Variants in NEO1 observed in about 807,000 individuals in gnomAD.
NEO1 encodes neogenin.
In NEO1, 63 loss-of-function variants were observed where a neutral mutation model predicts 159.7. That is an observed-to-expected ratio of 0.39 (90% CI 0.32 to 0.49). NEO1 has a LOEUF of 0.49. Among genes scored for constraint, NEO1 ranks in the 20% least tolerant of loss-of-function variants. The probability of loss-of-function intolerance (pLI) is 0.85; values close to 1 mark genes in which losing one functional copy is unlikely to be tolerated. For missense variants in NEO1, 1,615 were observed against 1,831.0 expected, an observed-to-expected ratio of 0.88 and a Z score of 2.15; for synonymous variants, 633 against 662.0, an observed-to-expected ratio of 0.96 and a Z score of 0.67.
rs145036330 is a variant in NEO1 at position 73,241,987 on chromosome 15, T to C, written c.1452-2357T>C. Among the ~76,000 whole-genome samples, 61 of 152,344 alleles carry C rather than the reference T, an allele frequency of 4.0e-4. No homozygotes were observed. In the East Asian group the frequency reaches 0.012, roughly 29 times the overall value. On this transcript the variant is annotated intron_variant, in intron 8 of 28. Transcript: ENST00000261908. ...ACATATCAGAAGGCAGATTTTCGTT[T>C]ATTCATTCAATGTATGTTTGGGATG...
intron 7 of NEO1, among the ~76,000 whole-genome samples, chr15:73,223,852 T>C (rs1416155910): frequency 6.6e-6 from 1 of 152,204 alleles, no homozygotes; most frequent in African/African-American, 2.4e-5. Context: ...GGTTTTTTGT[T>C]TTTTGTTTTT....
chr15:73,200,451 A>AG (rs1306347299), intron 7 of NEO1, among the ~76,000 whole-genome samples: 4 of 142,468 alleles, frequency 2.8e-5, no homozygotes, highest in Non-Finnish European at 6.1e-5. Context: ...AGAGAGGGAG[A>AG]GGGGGAGGGG....
intron 23 of NEO1, among the ~76,000 whole-genome samples, chr15:73,287,238 C>T (rs1057086625): frequency 1.3e-5 from 2 of 152,162 alleles, no homozygotes; most frequent in Non-Finnish European, 2.9e-5. Context: ...CTGATTTCAC[C>T]ACCTGGAATG....
At chr15:73,258,347 A>G (rs762108818) in intron 13 of NEO1, among the ~76,000 whole-genome samples, 2 of 152,156 alleles carry the variant, frequency 1.3e-5, no homozygotes, top group Admixed American at 6.5e-5. Context: ...ACATCTTTGC[A>G]TTCTTTCCTA....
chr15:73,162,251 T>C (rs1457845742), intron 5 of NEO1: 1 of 216,840 alleles, frequency 4.6e-6, no homozygotes, highest in Non-Finnish European at 9.6e-6. Context: ...TGCTGTTACC[T>C]GATATGCACA....
intron 8 of NEO1, among the ~76,000 whole-genome samples, chr15:73,236,934 A>T (rs2039210459): frequency 6.6e-6 from 1 of 152,180 alleles, no homozygotes; most frequent in Non-Finnish European, 1.5e-5. Context: ...TTTTCCTAAA[A>T]TAGCATTTTC....
intron 9 of NEO1, among the ~76,000 whole-genome samples, chr15:73,245,333 A>G (rs556798455): frequency 6.6e-5 from 10 of 152,142 alleles, no homozygotes; most frequent in Non-Finnish European, 1.5e-4. Context: ...TTTATTTTGG[A>G]CCTGTGGTCT....
Position 73,244,306 on chromosome 15 carries a change from T to TA in NEO1, c.1452-36dup, listed in dbSNP as rs754646132. 1.4e-5 allele frequency: 22 copies of TA among 1,584,404 alleles called. No homozygotes were observed. In the South Asian group the frequency reaches 2.2e-4, roughly 16 times the overall value. ...AAACTGTACATTCTGGAAGTATTCC[T>TA]AATTAATGCTATCTCTCTCCAAATC... On this transcript the variant is annotated intron_variant, in intron 8 of 28. Coordinates refer to ENST00000261908, the MANE Select transcript of NEO1 (RefSeq NM_002499.4).
At chr15:73,063,625 T>TTTTGTTTG (rs142986643) in intron 1 of NEO1, among the ~76,000 whole-genome samples, 2 of 150,866 alleles carry the variant, frequency 1.3e-5, no homozygotes, top group South Asian at 4.2e-4. Context: ...GCGCAGCCTT[T>TTTTGTTTG]TTTGTTTGTT....
chr15:73,215,453 T>A (rs1369328324), intron 7 of NEO1, among the ~76,000 whole-genome samples: 8 of 152,200 alleles, frequency 5.3e-5, no homozygotes, highest in Non-Finnish European at 1.2e-4. Flanking sequence ...AGTATGTCCC[T>A]TGTATGCTGA....
chr15:73,067,703 G>A (rs1286902525), intron 1 of NEO1, among the ~76,000 whole-genome samples: 1 of 149,442 alleles, frequency 6.7e-6, no homozygotes, highest in African/African-American at 2.5e-5. Context: ...TGCAAGCTCC[G>A]CCTCCCAGGT....
chr15:73,299,453 T>C (rs1195049861), intron 27 of NEO1, among the ~76,000 whole-genome samples: 1 of 151,828 alleles, frequency 6.6e-6, no homozygotes, highest in Admixed American at 6.6e-5. Context: ...TGGGGCAATC[T>C]CGGCTCACTG....
chr15:73,082,220 A>T (rs2069101291), intron 1 of NEO1, among the ~76,000 whole-genome samples: 1 of 152,216 alleles, frequency 6.6e-6, no homozygotes. Context: ...CTTTGTGGCC[A>T]TAATATTTAG....
At chr15:73,265,293 G>A (rs2660826) in intron 15 of NEO1, among the ~76,000 whole-genome samples, 127,787 of 152,086 alleles carry the variant, frequency 0.84, 54,043 homozygotes, top group Admixed American at 0.92. Context: ...TGGTAGTGTC[G>A]TTTACTAAAC....
intron 7 of NEO1, among the ~76,000 whole-genome samples, chr15:73,229,158 ACTAT>A (rs1263157312): frequency 2.6e-5 from 4 of 152,098 alleles, no homozygotes; most frequent in Non-Finnish European, 4.4e-5. Flanking sequence ...ATGAACATGG[ACTAT>A]CTATTTATTT....
chr15:73,299,955 A>G (rs2042549415), intron 27 of NEO1: 1 of 152,222 alleles, frequency 6.6e-6, no homozygotes, highest in African/African-American at 2.4e-5. Flanking sequence ...AGCAAGTTGT[A>G]GTTTTTTAAA....
chr15:73,202,152 A>G (rs1471577956), intron 7 of NEO1, among the ~76,000 whole-genome samples: 1 of 151,544 alleles, frequency 6.6e-6, no homozygotes, highest in African/African-American at 2.4e-5. Context: ...TAGTAGAGAC[A>G]GGGTTTCTCC....
intron 5 of NEO1, among the ~76,000 whole-genome samples, chr15:73,164,266 A>G (rs1408332175): frequency 1.4e-5 from 2 of 146,266 alleles, no homozygotes; most frequent in Non-Finnish European, 3.0e-5. Context: ...TTGGAGTGCA[A>G]TGGCACGATT....
chr15:73,057,566 A>G (rs2067770193), intron 1 of NEO1, among the ~76,000 whole-genome samples: 2 of 152,176 alleles, frequency 1.3e-5, no homozygotes, highest in Non-Finnish European at 2.9e-5. Context: ...TACGATTTTG[A>G]AAAATTAACT....
Sources: gnomAD v4.1 joint callset for allele counts (sites outside exome capture counted in the v4.1 genomes callset) on GRCh38, gnomAD v4.1.1 for gene constraint, MANE v1.5 for transcripts, NCBI Gene and HGNC (gene_info 2026-07-23, HGNC 2026-07-21) for gene names.